The following HS2ST1 variants were observed in gnomAD, a reference collection of about 807,000 sequenced individuals.
HS2ST1 encodes 2-O-sulfotransferase.
A neutral mutation model predicts 42.9 loss-of-function variants in HS2ST1; 18 were observed. That is an observed-to-expected ratio of 0.42 (90% CI 0.29 to 0.62). The LOEUF (loss-of-function observed/expected upper bound fraction) is 0.62, where lower values mean the gene tolerates loss of function less well. Ranked by LOEUF, HS2ST1 falls within the 20% of genes least tolerant of loss-of-function variation. HS2ST1 has a pLI of 0.21. For synonymous variants in HS2ST1, 146 were observed against 152.9 expected (o/e 0.95, Z 0.33); for missense variants, 334 against 433.8 (o/e 0.77, Z 2.04).
chr1:86,981,150 A>C (rs1345939830), intron 1 of HS2ST1, among the ~76,000 whole-genome samples: 1 of 152,168 alleles, frequency 6.6e-6, no homozygotes, highest in Non-Finnish European at 1.5e-5. Context: ...AGAACTCACT[A>C]TCACGAGAAC....
chr1:87,040,965 C>T (rs1326251324), intron 1 of HS2ST1, among the ~76,000 whole-genome samples: 1 of 152,014 alleles, frequency 6.6e-6, no homozygotes, highest in Non-Finnish European at 1.5e-5. Flanking sequence ...AGGAATTTAC[C>T]CATCAGATTC....
At chr1:87,014,490 C>T (rs1054079957) in intron 1 of HS2ST1, among the ~76,000 whole-genome samples, 1 of 152,172 alleles carries the variant, frequency 6.6e-6, no homozygotes, top group Non-Finnish European at 1.5e-5. Flanking sequence ...GTGATTGGCA[C>T]ACAGCCAAAC....
intron 1 of HS2ST1, among the ~76,000 whole-genome samples, chr1:86,961,141 TAA>T (rs11284968): frequency 4.9e-4 from 73 of 148,144 alleles, no homozygotes; most frequent in Admixed American, 6.1e-4. Flanking sequence ...GTCTATTTAA[TAA>T]AAAAAAAAAA....
At chr1:87,039,192 G>T in intron 1 of HS2ST1, among the ~76,000 whole-genome samples, 1 of 152,130 alleles carries the variant, frequency 6.6e-6, no homozygotes, top group East Asian at 1.9e-4. Context: ...TGAATTTCTG[G>T]CCAGTTGGAT....
chr1:86,977,673 G>A (rs1395040514), intron 1 of HS2ST1, among the ~76,000 whole-genome samples: 1 of 152,160 alleles, frequency 6.6e-6, no homozygotes, highest in African/African-American at 2.4e-5. Flanking sequence ...TTAACCTCAA[G>A]CCCAAGAGAA....
At chr1:87,044,844 C>A (rs961712724) in intron 1 of HS2ST1, 1 of 808,646 alleles carries the variant, frequency 1.2e-6, no homozygotes, top group African/African-American at 1.7e-5. Context: ...CATTTTTTCC[C>A]CTTTGGAACA....
At chr1:86,999,392 G>A (rs997596587) in intron 1 of HS2ST1, among the ~76,000 whole-genome samples, 2 of 152,090 alleles carry the variant, frequency 1.3e-5, no homozygotes, top group African/African-American at 4.8e-5. Flanking sequence ...TGGTCAGGCT[G>A]GTCTCGAACT....
rs1652408735 is a variant in HS2ST1, at chr1:87,109,157, TATAAA to T, written c.*4467_*4471del. On this transcript the variant is annotated 3_prime_UTR_variant, in exon 7 of 7. Transcript: ENST00000370550. ...TCAGTTGACTACCTGATGCAAAAGC[TATAAA>T]ATAAACAGTGGGAAGGGGAAAAATT... The T allele has an allele frequency of 6.6e-6, 1 of 152,552 alleles. No homozygotes were observed. The highest frequency in any genetic ancestry group is 6.6e-5 in the Admixed American group (1 of 15,256). The allele number at this position is 152,552 out of a possible 1,614,324, so 9.4% of individuals were successfully genotyped here.
At chr1:86,953,908 A>G (rs72947893) in intron 1 of HS2ST1, among the ~76,000 whole-genome samples, 3,614 of 152,128 alleles carry the variant, frequency 0.024, 76 homozygotes, top group African/African-American at 0.049. Flanking sequence ...AGAGGGGGGA[A>G]AATGGGGAAT....
chr1:86,927,936 T>C (rs1175178889), intron 1 of HS2ST1, among the ~76,000 whole-genome samples: 2 of 152,108 alleles, frequency 1.3e-5, no homozygotes. Context: ...AGTCTGAGTC[T>C]CCATAGCTTG....
chr1:87,002,981 G>A (rs1476246439), intron 1 of HS2ST1, among the ~76,000 whole-genome samples: 4 of 152,214 alleles, frequency 2.6e-5, no homozygotes, highest in Admixed American at 6.5e-5. Context: ...CTCTTCTCTC[G>A]AAGCAATAGG....
Position 86,972,390 on chromosome 1 carries a change from C to T in HS2ST1, c.124+57230C>T, listed in dbSNP as rs567903937. On this transcript the variant is annotated intron_variant, in intron 1 of 6. Transcript: ENST00000370550. Reference sequence around the variant, plus strand: ...TTAAGAGATGGAGGTCTCATTCTATCGCCCAGGCTGGAGTGCAGTGGTGTA... The same window carrying T: ...TTAAGAGATGGAGGTCTCATTCTATTGCCCAGGCTGGAGTGCAGTGGTGTA... Among the ~76,000 whole-genome samples, 222 of 152,126 alleles carry T rather than the reference C, an allele frequency of 1.5e-3. 1 individual carries two copies. Among genetic ancestry groups the T allele is most frequent in the African/African-American group, 5.0e-3 (209 of 41,516 alleles).
At chr1:86,968,618 T>A (rs952348273) in intron 1 of HS2ST1, among the ~76,000 whole-genome samples, 3 of 152,074 alleles carry the variant, frequency 2.0e-5, no homozygotes, top group African/African-American at 7.2e-5. Flanking sequence ...TTGCCCAGGC[T>A]GGTCTCGGGA....
intron 2 of HS2ST1, among the ~76,000 whole-genome samples, chr1:87,081,752 C>T (rs1233128747): frequency 6.6e-6 from 1 of 151,854 alleles, no homozygotes; most frequent in Non-Finnish European, 1.5e-5. Context: ...TTTTGGGAGG[C>T]CGAGGCGGGC....
intron 3 of HS2ST1, among the ~76,000 whole-genome samples, chr1:87,091,162 A>G (rs915170715): frequency 1.3e-5 from 2 of 152,054 alleles, no homozygotes; most frequent in African/African-American, 2.4e-5. Context: ...AGTACCTAGA[A>G]TAGTATTATA....
At chr1:86,988,302 A>G (rs764248678) in intron 1 of HS2ST1, among the ~76,000 whole-genome samples, 4 of 152,314 alleles carry the variant, frequency 2.6e-5, no homozygotes, top group South Asian at 4.1e-4. Context: ...GACTGCGAGT[A>G]TGGGAAGGGG....
intron 2 of HS2ST1, among the ~76,000 whole-genome samples, chr1:87,082,591 GA>G (rs1363753536): frequency 6.6e-6 from 1 of 152,076 alleles, no homozygotes; most frequent in African/African-American, 2.4e-5. Context: ...ATTTTTGGCT[GA>G]AATACTAGAA....
At chr1:87,044,191 G>A (rs1164646400) in intron 1 of HS2ST1, among the ~76,000 whole-genome samples, 7 of 152,202 alleles carry the variant, frequency 4.6e-5, no homozygotes, top group African/African-American at 1.7e-4. Flanking sequence ...TAACAGTACC[G>A]ACATTTTTGG....
Position 87,104,618 on chromosome 1 carries a change from C to A in HS2ST1, c.993C>A (p.Ala331=). The A allele has an allele frequency of 1.2e-6, 2 of 1,613,562 alleles. No individual in the cohort carries two copies. Among genetic ancestry groups the A allele is most frequent in the Non-Finnish European group, 1.7e-6 (2 of 1,179,590 alleles). Residue 331 remains alanine, a synonymous_variant, in exon 7 of 7, where the codon GCC becomes GCA. Coordinates refer to ENST00000370550, the MANE Select transcript of HS2ST1 (RefSeq NM_012262.4). The part of the protein sequence containing the change: ...LEQFQFIRAH[A]VREKDGDLYI... ...AGTTCCAATTCATCAGAGCCCATGC[C>A]GTTCGAGAAAAAGATGGAGACCTCT...
Sources: allele counts gnomAD v4.1 joint callset (sites outside exome capture counted in the v4.1 genomes callset), GRCh38; gene constraint gnomAD v4.1.1; transcripts MANE v1.5; gene names NCBI Gene and HGNC (gene_info 2026-07-23, HGNC 2026-07-21).